Variants in CA5A observed in about 807,000 individuals in gnomAD.
CA5A encodes carbonic anhydrase 5A, mitochondrial.
A neutral mutation model predicts 37.1 loss-of-function variants in CA5A; 28 were observed. That is an observed-to-expected ratio of 0.75 (90% confidence interval 0.56 to 1.03). The LOEUF is 1.03. Among genes scored for constraint, CA5A ranks in the 50% least tolerant of loss-of-function variants. The pLI is 0.00. For synonymous variants in CA5A, 171 were observed against 158.4 expected (o/e 1.08, Z -0.60); for missense variants, 444 against 399.9 (o/e 1.11, Z -0.94).
intron 1 of CA5A, among the ~76,000 whole-genome samples, chr16:87,930,295 CG>C (rs1567539224): frequency 1.3e-5 from 2 of 152,102 alleles, no homozygotes; most frequent in African/African-American, 4.8e-5. Context: ...AGCAGAGGGC[CG>C]GGGGCTGGAG....
intron 6 of CA5A, among the ~76,000 whole-genome samples, chr16:87,889,215 A>G (rs1032291497): frequency 6.6e-6 from 1 of 151,762 alleles, no homozygotes. Flanking sequence ...CCACTGTGCT[A>G]GGCCTAATTT....
chr16:87,897,540 T>C (rs1385893822), intron 5 of CA5A, among the ~76,000 whole-genome samples: 3 of 152,188 alleles, frequency 2.0e-5, no homozygotes, highest in African/African-American at 7.2e-5. Context: ...GGGTCCAGGC[T>C]TCCAGGCAGC....
At chr16:87,921,846 C>T (rs1399452373) in intron 2 of CA5A, among the ~76,000 whole-genome samples, 1 of 150,058 alleles carries the variant, frequency 6.7e-6, no homozygotes, top group African/African-American at 2.5e-5. Flanking sequence ...GGTTGTGTTC[C>T]TTTGTGTGTT....
intron 2 of CA5A, among the ~76,000 whole-genome samples, chr16:87,915,960 C>T (rs547262628): frequency 9.0e-4 from 137 of 152,012 alleles, no homozygotes; most frequent in African/African-American, 2.5e-3. Flanking sequence ...CACAGTTCCA[C>T]GTGGCTGGGG....
At chr16:87,913,011 G>A (rs1392993034) in intron 2 of CA5A, among the ~76,000 whole-genome samples, 1 of 151,396 alleles carries the variant, frequency 6.6e-6, no homozygotes, top group African/African-American at 2.4e-5. Flanking sequence ...TTGAGACAGA[G>A]TCTCGCTCTG....
chr16:87,926,076 AGCT>A (rs1428307093), intron 2 of CA5A, among the ~76,000 whole-genome samples: 3 of 152,120 alleles, frequency 2.0e-5, no homozygotes, highest in Admixed American at 6.5e-5. Context: ...TACAAAAATT[AGCT>A]GGGCATGGTG....
At chr16:87,913,399 C>T (rs1321312953) in intron 2 of CA5A, among the ~76,000 whole-genome samples, 7 of 151,456 alleles carry the variant, frequency 4.6e-5, no homozygotes, top group East Asian at 1.9e-4. Context: ...ACCTCCTGGG[C>T]GCAAGCCATC....
intron 5 of CA5A, chr16:87,893,141 TCTTTC>T: frequency 9.7e-6 from 5 of 517,322 alleles, no homozygotes; most frequent in Admixed American, 7.3e-5. Flanking sequence ...TTTCTTTCTT[TCTTTC>T]TTTTTTTTTT....
At chr16:87,923,541 G>T in intron 2 of CA5A, 1 of 985,156 alleles carries the variant, frequency 1.0e-6, no homozygotes, top group Non-Finnish European at 1.2e-6. Context: ...TCTAGGAGTA[G>T]TATCAGGATT....
At chr16:87,926,286 C>G (rs576900674) in intron 2 of CA5A, among the ~76,000 whole-genome samples, 2 of 152,330 alleles carry the variant, frequency 1.3e-5, no homozygotes, top group East Asian at 1.9e-4. Flanking sequence ...CTGCAGTGGT[C>G]TCATTTCCAG....
At chr16:87,913,864 G>A (rs111747109) in intron 2 of CA5A, among the ~76,000 whole-genome samples, 1 of 152,334 alleles carries the variant, frequency 6.6e-6, no homozygotes, top group African/African-American at 2.4e-5. Context: ...GCAGCCGTGT[G>A]TAGTGGCCCA....
At chr16:87,892,557 A>AT (rs752329455) in intron 5 of CA5A, among the ~76,000 whole-genome samples, 1 of 118,016 alleles carries the variant, frequency 8.5e-6, no homozygotes, top group East Asian at 2.4e-4. Context: ...AATAATAATA[A>AT]ATTAATTAAT....
intron 2 of CA5A, among the ~76,000 whole-genome samples, chr16:87,921,088 C>T (rs1339750704): frequency 2.0e-5 from 3 of 151,990 alleles, no homozygotes; most frequent in African/African-American, 7.2e-5. Flanking sequence ...CCACTGCACC[C>T]GGCCAATTTT....
intron 5 of CA5A, among the ~76,000 whole-genome samples, chr16:87,895,242 C>A (rs917129058): frequency 6.6e-6 from 1 of 151,428 alleles, no homozygotes; most frequent in Non-Finnish European, 1.5e-5. Flanking sequence ...GGAGTGAGAT[C>A]CTTTCTTAAA....
At chr16:87,923,137 G>T (rs1431475887) in intron 2 of CA5A, among the ~76,000 whole-genome samples, 1 of 152,144 alleles carries the variant, frequency 6.6e-6, no homozygotes, top group Non-Finnish European at 1.5e-5. Context: ...TGAGGGTCCC[G>T]CAATACTCTC....
intron 2 of CA5A, among the ~76,000 whole-genome samples, chr16:87,926,044 G>A (rs552364419): frequency 1.3e-5 from 2 of 152,226 alleles, no homozygotes; most frequent in South Asian, 2.1e-4. Flanking sequence ...CCAACATGGC[G>A]ACATCCCATT....
chr16:87,906,833 T>C (rs183206500), intron 2 of CA5A, among the ~76,000 whole-genome samples: 58 of 152,246 alleles, frequency 3.8e-4, no homozygotes, highest in African/African-American at 1.4e-3. Context: ...TATGAGCAAA[T>C]CTTCTATTCT....
At chr16:87,924,309 G>A in intron 2 of CA5A, 1 of 985,402 alleles carries the variant, frequency 1.0e-6, no homozygotes, top group Non-Finnish European at 1.2e-6. Context: ...ATGGCACTGA[G>A]CATACAGGCA....
chr16:87,893,130 C>CT, intron 5 of CA5A: 1 of 507,996 alleles, frequency 2.0e-6, no homozygotes, highest in Non-Finnish European at 3.4e-6. Flanking sequence ...TTCTTCCTTT[C>CT]TTTCTTTCTT....
Sources: gnomAD v4.1 joint callset for allele counts (sites outside exome capture counted in the v4.1 genomes callset) on GRCh38, gnomAD v4.1.1 for gene constraint, MANE v1.5 for transcripts, NCBI Gene and HGNC (gene_info 2026-07-23, HGNC 2026-07-21) for gene names.